Variants in PDE8A observed in about 807,000 individuals in gnomAD.
PDE8A encodes the protein phosphodiesterase 8A, also known as high affinity cAMP-specific and IBMX-insensitive 3',5'-cyclic phosphodiesterase 8A.
In PDE8A, 59 loss-of-function variants were observed where a neutral mutation model predicts 105.0. The ratio of observed to expected loss-of-function variants is 0.56; its 90% CI spans 0.46 to 0.70. The LOEUF is 0.70. Among genes scored for constraint, PDE8A ranks in the 30% least tolerant of loss-of-function variants. The pLI is 0.00. For missense variants in PDE8A, 1,014 were observed against 1,045.9 expected (o/e 0.97, Z 0.42); for synonymous variants, 355 against 371.9 (o/e 0.95, Z 0.52).
chr15:85,078,569 AAG>A (rs1555475085), intron 5 of PDE8A, among the ~76,000 whole-genome samples: 10 of 148,950 alleles, frequency 6.7e-5, no homozygotes, highest in Non-Finnish European at 1.3e-4. Flanking sequence ...AAAAAAAAAA[AAG>A]AAAGAAAAGA....
At chr15:85,068,227 A>G (rs779000567) in intron 3 of PDE8A, among the ~76,000 whole-genome samples, 3 of 151,934 alleles carry the variant, frequency 2.0e-5, no homozygotes, top group Non-Finnish European at 4.4e-5. Flanking sequence ...TTTAATAGAG[A>G]CGGTGTTTGA....
intron 2 of PDE8A, among the ~76,000 whole-genome samples, chr15:85,064,984 G>T (rs750154647): frequency 3.3e-5 from 5 of 151,062 alleles, no homozygotes; most frequent in Non-Finnish European, 7.4e-5. Flanking sequence ...ACAAACAAAA[G>T]AAAAAAAATT....
chr15:85,122,016 T>C (rs17541572), intron 18 of PDE8A, among the ~76,000 whole-genome samples: 21,078 of 152,158 alleles, frequency 0.14, 1,890 homozygotes, highest in Middle Eastern at 0.23. Flanking sequence ...CAGTCATCTA[T>C]CTCTCTCCCT....
chr15:85,001,899 T>C (rs1331852424), intron 1 of PDE8A, among the ~76,000 whole-genome samples: 1 of 152,206 alleles, frequency 6.6e-6, no homozygotes, highest in Non-Finnish European at 1.5e-5. Context: ...AAGTACTTTG[T>C]GCATGAACTA....
At chr15:85,037,707 C>T (rs1027651735) in intron 1 of PDE8A, among the ~76,000 whole-genome samples, 2 of 152,092 alleles carry the variant, frequency 1.3e-5, no homozygotes, top group African/African-American at 4.8e-5. Flanking sequence ...ACTGGTGTGG[C>T]TGTGTTCTTC....
intron 3 of PDE8A, among the ~76,000 whole-genome samples, chr15:85,072,015 TAAAA>T (rs1164618028): frequency 6.6e-6 from 1 of 152,002 alleles, no homozygotes; most frequent in African/African-American, 2.4e-5. Context: ...ATAGAGGAAA[TAAAA>T]AAAGTACTAC....
At chr15:85,035,374 A>T (rs1172750580) in intron 1 of PDE8A, among the ~76,000 whole-genome samples, 1 of 151,680 alleles carries the variant, frequency 6.6e-6, no homozygotes, top group Non-Finnish European at 1.5e-5. Context: ...ACGCCCAGCT[A>T]ATTTTTTGTA....
chr15:85,058,872 G>A (rs916548169), intron 1 of PDE8A, among the ~76,000 whole-genome samples: 4 of 151,920 alleles, frequency 2.6e-5, no homozygotes, highest in African/African-American at 9.7e-5. Context: ...TGATTTTTCT[G>A]TATTATCTAT....
chr15:85,117,475 A>T (rs1453328495), intron 16 of PDE8A, among the ~76,000 whole-genome samples, 166 bp from the exon 17 acceptor site: 2 of 152,084 alleles, frequency 1.3e-5, no homozygotes, highest in Non-Finnish European at 2.9e-5. Flanking sequence ...CAAGAAGTGG[A>T]ACCAGAGTTG....
intron 6 of PDE8A, among the ~76,000 whole-genome samples, chr15:85,087,583 C>G (rs2081575107): frequency 6.6e-6 from 1 of 152,056 alleles, no homozygotes. Context: ...CTTCTGAGGC[C>G]AGAGAATCTT....
At chr15:85,123,971 G>A (rs763560563) in intron 19 of PDE8A, among the ~76,000 whole-genome samples, 4 of 152,014 alleles carry the variant, frequency 2.6e-5, no homozygotes, top group Admixed American at 6.6e-5. Context: ...TGATCAGTTG[G>A]AGCCCTTGAT....
intron 7 of PDE8A, 78 bp from the exon 8 acceptor site, chr15:85,090,966 G>T: frequency 1.5e-6 from 2 of 1,334,654 alleles, no homozygotes; most frequent in Admixed American, 2.2e-5. Flanking sequence ...GAAGGGCTTA[G>T]GTCGAAGACC....
At chr15:85,016,931 T>TGTTTCTAAC (rs922186257) in intron 1 of PDE8A, among the ~76,000 whole-genome samples, 2 of 152,086 alleles carry the variant, frequency 1.3e-5, no homozygotes, top group African/African-American at 4.8e-5. Context: ...TCTTCCATTA[T>TGTTTCTAAC]GTTTCTAACT....
intron 1 of PDE8A, among the ~76,000 whole-genome samples, chr15:85,051,662 CA>C (rs1329313855): frequency 6.6e-6 from 1 of 152,050 alleles, no homozygotes; most frequent in Non-Finnish European, 1.5e-5. Flanking sequence ...TTGTTCCCCC[CA>C]CATGTCCATG....
intron 1 of PDE8A, among the ~76,000 whole-genome samples, chr15:85,040,768 C>T (rs978755295): frequency 1.3e-4 from 19 of 151,832 alleles, no homozygotes; most frequent in African/African-American, 4.4e-4. Context: ...ACCGTGTTAG[C>T]CAGGATGGTC....
chr15:85,073,153 T>TA (rs2141475112), intron 3 of PDE8A, among the ~76,000 whole-genome samples: 1 of 152,244 alleles, frequency 6.6e-6, no homozygotes, highest in Non-Finnish European at 1.5e-5. Flanking sequence ...CCTGAGTACT[T>TA]AACACTGCTT....
chr15:85,117,631 C>G lies in PDE8A; in HGVS notation c.1536-10C>G, dbSNP rs767408449. On this transcript the variant is annotated splice_polypyrimidine_tract_variant and intron_variant, in intron 16 of 21. Transcript: ENST00000394553. ...TTGTTCTAATATTGTGGGGTTTTTTCTGTCTATAGGCCTTTGATTTATCTT... is the reference window on the plus strand; with the variant it reads ...TTGTTCTAATATTGTGGGGTTTTTTGTGTCTATAGGCCTTTGATTTATCTT... 1 of 1,611,902 alleles carries G rather than the reference C, an allele frequency of 6.2e-7. No individual in the cohort carries two copies. The highest frequency in any genetic ancestry group is 1.7e-5 in the Admixed American group (1 of 59,906).
chr15:85,132,687 C>T (rs973564073), intron 20 of PDE8A, among the ~76,000 whole-genome samples: 3 of 152,132 alleles, frequency 2.0e-5, no homozygotes, highest in African/African-American at 7.2e-5. Context: ...AAACTCTTGA[C>T]CTCAGGTGAT....
At chr15:85,080,542 C>G (rs1031562372) in intron 5 of PDE8A, among the ~76,000 whole-genome samples, 2 of 152,180 alleles carry the variant, frequency 1.3e-5, no homozygotes. Context: ...CGCATGAGGT[C>G]ATTAAGGCTT....
Sources: allele counts gnomAD v4.1 joint callset (sites outside exome capture counted in the v4.1 genomes callset), GRCh38; gene constraint gnomAD v4.1.1; transcripts MANE v1.5; gene names NCBI Gene and HGNC (gene_info 2026-07-23, HGNC 2026-07-21).